Variants in ARHGAP15 observed in about 807,000 individuals in gnomAD.
ARHGAP15 encodes rho GTPase-activating protein 15.
In ARHGAP15, 51 loss-of-function variants were observed where a neutral mutation model predicts 63.7. The ratio of observed to expected loss-of-function variants is 0.80; its 90% CI spans 0.64 to 1.01. The LOEUF (loss-of-function observed/expected upper bound fraction) is 1.01, where lower values mean the gene tolerates loss of function less well. Among genes scored for constraint, ARHGAP15 ranks in the 50% least tolerant of loss-of-function variants. The probability of loss-of-function intolerance (pLI) is 0.00; values close to 1 mark genes in which losing one functional copy is unlikely to be tolerated. For synonymous variants in ARHGAP15, 191 were observed against 193.8 expected, an observed-to-expected ratio of 0.99 and a Z score of 0.12; for missense variants, 560 against 564.6, an observed-to-expected ratio of 0.99 and a Z score of 0.08.
At chr2:143,517,237 A>G (rs928910424) in intron 9 of ARHGAP15, among the ~76,000 whole-genome samples, 4 of 152,118 alleles carry the variant, frequency 2.6e-5, no homozygotes, top group Admixed American at 1.3e-4. Flanking sequence ...GTGAGTCACC[A>G]TGCCCGGCCT....
At chr2:143,144,437 C>G (rs1318141030) in intron 1 of ARHGAP15, among the ~76,000 whole-genome samples, 1 of 151,960 alleles carries the variant, frequency 6.6e-6, no homozygotes, top group Non-Finnish European at 1.5e-5. Flanking sequence ...ATTTTACTCA[C>G]ACTTACCAAG....
chr2:143,596,163 G>A (rs12620809), intron 11 of ARHGAP15, among the ~76,000 whole-genome samples: 45,374 of 151,858 alleles, frequency 0.3, 7,912 homozygotes, highest in African/African-American at 0.49. Flanking sequence ...ATGTGGCCTA[G>A]CTAAGGAAGA....
chr2:143,680,021 T>TAAAAA (rs55927433), intron 12 of ARHGAP15, among the ~76,000 whole-genome samples: 4 of 101,626 alleles, frequency 3.9e-5, no homozygotes, highest in African/African-American at 9.0e-5. Context: ...AGTAAATGAT[T>TAAAAA]AAAAAAAAAA....
intron 12 of ARHGAP15, among the ~76,000 whole-genome samples, chr2:143,628,652 C>T (rs567114645): frequency 1.8e-4 from 27 of 152,256 alleles, no homozygotes; most frequent in Admixed American, 1.5e-3. Context: ...CCTTTCTTTG[C>T]TTTTCCAGCC....
At chr2:143,314,330 C>T (rs1683596747) in intron 6 of ARHGAP15, 1 of 152,152 alleles carries the variant, frequency 6.6e-6, no homozygotes, top group African/African-American at 2.4e-5. Flanking sequence ...AAAAGTGTTT[C>T]CAAATAACTC....
chr2:143,503,762 T>C (rs1043158639), intron 9 of ARHGAP15, among the ~76,000 whole-genome samples: 3 of 152,216 alleles, frequency 2.0e-5, no homozygotes, highest in Admixed American at 1.3e-4. Flanking sequence ...CATTATCCAA[T>C]GATGAGGATG....
chr2:143,686,383 C>CAAAAAAAAAAAAAA (rs35554349), intron 12 of ARHGAP15, among the ~76,000 whole-genome samples: 1 of 55,050 alleles, frequency 1.8e-5, no homozygotes, highest in African/African-American at 8.3e-5. Context: ...GACTCTGTCT[C>CAAAAAAAAAAAAAA]AAAAAAAAAA....
At chr2:143,239,930 G>T (rs1239726588) in intron 5 of ARHGAP15, among the ~76,000 whole-genome samples, 5 of 141,844 alleles carry the variant, frequency 3.5e-5, no homozygotes. Context: ...GGTGGTGGTT[G>T]CAGTGAGCCG....
At chr2:143,248,457 A>C (rs1694136954) in intron 5 of ARHGAP15, among the ~76,000 whole-genome samples, 1 of 152,202 alleles carries the variant, frequency 6.6e-6, no homozygotes, top group African/African-American at 2.4e-5. Context: ...GTGTCTATTC[A>C]ATTTTTAAGG....
intron 2 of ARHGAP15, among the ~76,000 whole-genome samples, chr2:143,185,115 T>C (rs1004552003): frequency 6.6e-6 from 1 of 152,216 alleles, no homozygotes; most frequent in African/African-American, 2.4e-5. Context: ...ATGAGTTTAA[T>C]ATATGTAAAA....
In ARHGAP15 at chr2:143,506,999, C is replaced by T. The variant is rs1054291367; in HGVS notation, c.827-12267C>T. Among the ~76,000 whole-genome samples the T allele has an allele frequency of 2.6e-5, 4 of 152,104 alleles. No individual in the cohort carries two copies. In the East Asian group the frequency reaches 7.7e-4, roughly 29 times the overall value. ...ATCTATTCATACATTCATTTATGCA[C>T]TCATTAGGCAACCAGAAGGCATGTA... On this transcript the variant is annotated intron_variant, in intron 9 of 13. Coordinates refer to ENST00000295095, the MANE Select transcript of ARHGAP15 (RefSeq NM_018460.4).
At chr2:143,338,965 A>G (rs1338490270) in intron 6 of ARHGAP15, among the ~76,000 whole-genome samples, 7 of 152,152 alleles carry the variant, frequency 4.6e-5, no homozygotes, top group Non-Finnish European at 1.0e-4. Context: ...GTCATTCTAG[A>G]TAATAGAAAA....
intron 2 of ARHGAP15, among the ~76,000 whole-genome samples, chr2:143,186,309 G>T (rs946677265): frequency 6.6e-6 from 1 of 152,052 alleles, no homozygotes; most frequent in Non-Finnish European, 1.5e-5. Context: ...TACTTTAAAG[G>T]TTATTCTGTT....
chr2:143,205,169 C>T (rs1692280411), intron 3 of ARHGAP15, among the ~76,000 whole-genome samples: 1 of 151,504 alleles, frequency 6.6e-6, no homozygotes, highest in Non-Finnish European at 1.5e-5. Context: ...CATCTGTAGT[C>T]CCAGCTACTT....
rs560305870 is a variant in ARHGAP15, at chr2:143,297,809, G to C, written c.474+47209G>C. Among the ~76,000 whole-genome samples, 11 of 152,020 alleles carry C rather than the reference G, an allele frequency of 7.2e-5. No homozygotes were observed. The South Asian group carries it at 2.1e-3, about 29-fold the overall frequency. ...GGCTAGGCCAAATATTCAGCAGAGA[G>C]CCTGAATATTTCATGTATATGCAGT... On this transcript the variant is annotated intron_variant, in intron 6 of 13. Transcript: ENST00000295095.
At chr2:143,423,228 G>A (rs772256520) in intron 6 of ARHGAP15, among the ~76,000 whole-genome samples, 1 of 152,136 alleles carries the variant, frequency 6.6e-6, no homozygotes, top group Non-Finnish European at 1.5e-5. Flanking sequence ...TTGCAATATA[G>A]AGCCAGCTTT....
chr2:143,241,944 C>T (rs971496727), intron 5 of ARHGAP15, among the ~76,000 whole-genome samples: 3 of 152,142 alleles, frequency 2.0e-5, no homozygotes, highest in African/African-American at 7.2e-5. Flanking sequence ...TCTGCAAGTA[C>T]GCTGGTGAAA....
At chr2:143,498,702 A>C (rs1692928276) in intron 9 of ARHGAP15, among the ~76,000 whole-genome samples, 1 of 152,114 alleles carries the variant, frequency 6.6e-6, no homozygotes, top group Non-Finnish European at 1.5e-5. Context: ...AAACGATTTG[A>C]TTGAAGTGAT....
At chr2:143,408,292 A>AT (rs201686293) in intron 6 of ARHGAP15, among the ~76,000 whole-genome samples, 2,804 of 148,560 alleles carry the variant, frequency 0.019, 37 homozygotes, top group Non-Finnish European at 0.03. Context: ...CTTTTAATAG[A>AT]TTTTTTCTAT....
Sources: allele counts gnomAD v4.1 joint callset (sites outside exome capture counted in the v4.1 genomes callset), GRCh38; gene constraint gnomAD v4.1.1; transcripts MANE v1.5; gene names NCBI Gene and HGNC (gene_info 2026-07-23, HGNC 2026-07-21).